The following GABBR2 variants were observed in gnomAD, a reference collection of about 807,000 sequenced individuals.
The protein encoded by GABBR2 is gamma-aminobutyric acid type B receptor subunit 2, also known as G-protein coupled receptor 51.
Under a neutral mutation model 105.6 loss-of-function variants are expected in GABBR2, and 23 were observed. The ratio of observed to expected loss-of-function variants is 0.22; its 90% CI spans 0.16 to 0.31. GABBR2 has a LOEUF of 0.31. Among genes scored for constraint, GABBR2 ranks in the 10% least tolerant of loss-of-function variants. The pLI is 1.00. For synonymous variants in GABBR2, 478 were observed against 499.7 expected, an observed-to-expected ratio of 0.96 and a Z score of 0.58; for missense variants, 734 against 1,245.5, an observed-to-expected ratio of 0.59 and a Z score of 6.18.
chr9:98,587,779 G>A (rs1451119248), intron 1 of GABBR2, among the ~76,000 whole-genome samples: 3 of 152,174 alleles, frequency 2.0e-5, no homozygotes, highest in Non-Finnish European at 4.4e-5. Flanking sequence ...TACCCTTGGA[G>A]AGACATTTTG....
chr9:98,576,781 T>G (rs1564119513), intron 2 of GABBR2, among the ~76,000 whole-genome samples: 1 of 152,228 alleles, frequency 6.6e-6, no homozygotes. Flanking sequence ...ACTTGCTTCT[T>G]GCCTGTCTTC....
intron 6 of GABBR2, among the ~76,000 whole-genome samples, chr9:98,464,927 G>A (rs1386569331): frequency 5.3e-5 from 8 of 151,846 alleles, no homozygotes; most frequent in East Asian, 3.9e-4. Context: ...CAGCATGCTC[G>A]TTAAGAGTCA....
In GABBR2 at chr9:98,306,032, T is replaced by A; in HGVS notation, c.2229+89A>T. The A allele has an allele frequency of 2.9e-5, 24 of 815,090 alleles. No homozygotes were observed. Among genetic ancestry groups the A allele is most frequent in the African/African-American group, 1.1e-4 (6 of 56,502 alleles). 50.5% of individuals were successfully genotyped at this position (815,090 alleles called of 1,614,324 possible). On this transcript the variant is annotated intron_variant, in intron 15 of 18. Transcript: ENST00000259455. This position sits in a 1 kb window ranked among gnomAD's most constrained non-coding sequence, Gnocchi z 5.4. ...CATCATAAAAAAAAAAAGGAATGGGTAAACCTTTTAGAGAATGGAGAAAAG... is the reference window on the plus strand; with the variant it reads ...CATCATAAAAAAAAAAAGGAATGGGAAAACCTTTTAGAGAATGGAGAAAAG...
intron 16 of GABBR2, among the ~76,000 whole-genome samples, chr9:98,301,937 GC>G (rs1358130497): frequency 2.0e-5 from 3 of 152,166 alleles, no homozygotes; most frequent in African/African-American, 7.2e-5. Context: ...AATTCTGTGA[GC>G]CCCCCAAAGG....
Position 98,578,020 on chromosome 9 carries a change from G to A in GABBR2, c.374C>T (p.Pro125Leu). Residue 125 changes from proline to leucine, a missense_variant, in exon 2 of 19, where the codon CCT (proline) becomes CTT (leucine). By Grantham distance (98) the Pro-to-Leu change is moderately conservative (BLOSUM62 -3). Coordinates refer to ENST00000259455, the MANE Select transcript of GABBR2 (RefSeq NM_005458.8). ...KAFYDAIKYGPNHLMVFGGVC... is the reference protein window; with the variant it reads ...KAFYDAIKYGLNHLMVFGGVC... ...GCCTCCAAACACCATCAAGTGGTTA[G>A]GCCCGTATTTTATTGCATCGTAGAA... 1 of 1,613,812 alleles carries A rather than the reference G, an allele frequency of 6.2e-7. No individual in the cohort carries two copies. The highest frequency in any genetic ancestry group is 8.5e-7 in the Non-Finnish European group (1 of 1,179,732).
chr9:98,633,292 C>T (rs1456320690), intron 1 of GABBR2, among the ~76,000 whole-genome samples: 1 of 152,080 alleles, frequency 6.6e-6, no homozygotes, highest in Non-Finnish European at 1.5e-5. Flanking sequence ...CATTTAAACC[C>T]AAAACTCTTA....
At chr9:98,385,414 C>T (rs1832054553) in intron 11 of GABBR2, among the ~76,000 whole-genome samples, 1 of 152,006 alleles carries the variant, frequency 6.6e-6, no homozygotes, top group Non-Finnish European at 1.5e-5. Flanking sequence ...ACCATGTTGC[C>T]CGGGCTGGAA....
chr9:98,571,749 T>C (rs1056164807), intron 2 of GABBR2, among the ~76,000 whole-genome samples: 3 of 152,152 alleles, frequency 2.0e-5, no homozygotes, highest in African/African-American at 7.2e-5. Context: ...TCAGGGAACC[T>C]TGGCCCACAG....
chr9:98,314,486 G>A (rs1004009891), intron 13 of GABBR2, among the ~76,000 whole-genome samples: 5 of 152,152 alleles, frequency 3.3e-5, no homozygotes, highest in South Asian at 4.2e-4. Flanking sequence ...TTAGATTCTC[G>A]GTGTGGAGAA....
intron 1 of GABBR2, among the ~76,000 whole-genome samples, chr9:98,592,269 T>G (rs1206644534): frequency 6.6e-6 from 1 of 152,182 alleles, no homozygotes; most frequent in Non-Finnish European, 1.5e-5. Flanking sequence ...CCACAGATGA[T>G]CTCTCAGATC....
At chr9:98,656,147 T>C (rs1370973049) in intron 1 of GABBR2, among the ~76,000 whole-genome samples, 1 of 152,174 alleles carries the variant, frequency 6.6e-6, no homozygotes, top group Non-Finnish European at 1.5e-5. Flanking sequence ...TAGGCCAGTG[T>C]AGTCACCAAA....
chr9:98,492,810 T>C (rs1244227397), intron 4 of GABBR2, among the ~76,000 whole-genome samples: 1 of 152,212 alleles, frequency 6.6e-6, no homozygotes, highest in African/African-American at 2.4e-5. Flanking sequence ...ATTCCCATCA[T>C]ATCATGTCAA....
intron 1 of GABBR2, among the ~76,000 whole-genome samples, chr9:98,686,025 C>T (rs1469614350): frequency 6.6e-6 from 1 of 152,130 alleles, no homozygotes; most frequent in Admixed American, 6.6e-5. Flanking sequence ...TGATCCTCTT[C>T]CCAACTAGGC....
chr9:98,575,321 G>A (rs1468591054), intron 2 of GABBR2, among the ~76,000 whole-genome samples: 6 of 152,192 alleles, frequency 3.9e-5, no homozygotes, highest in Non-Finnish European at 8.8e-5. Context: ...AGAATGGGAT[G>A]TTTTGGGTGG....
chr9:98,642,031 C>T (rs529307069), intron 1 of GABBR2, among the ~76,000 whole-genome samples: 2 of 152,340 alleles, frequency 1.3e-5, no homozygotes, highest in South Asian at 2.1e-4. Context: ...GGCTACTTCC[C>T]GCTTACGGCA....
chr9:98,683,840 C>G (rs1830582249), intron 1 of GABBR2, among the ~76,000 whole-genome samples: 1 of 151,648 alleles, frequency 6.6e-6, no homozygotes, highest in Non-Finnish European at 1.5e-5. Flanking sequence ...AAACCCGTCT[C>G]TACTAAAACT....
chr9:98,538,493 A>T (rs978486527), intron 3 of GABBR2: 1 of 409,886 alleles, frequency 2.4e-6, no homozygotes, highest in African/African-American at 2.2e-5. Context: ...GGGCCTAGAG[A>T]TCAGTACCTC....
At chr9:98,627,896 G>A (rs1325764379) in intron 1 of GABBR2, among the ~76,000 whole-genome samples, 3 of 152,200 alleles carry the variant, frequency 2.0e-5, no homozygotes, top group Non-Finnish European at 4.4e-5. Flanking sequence ...GCTCTTCAGG[G>A]CAGAGCCTGG....
At chr9:98,520,878 G>A (rs1489492655) in intron 3 of GABBR2, among the ~76,000 whole-genome samples, 1 of 152,170 alleles carries the variant, frequency 6.6e-6, no homozygotes, top group African/African-American at 2.4e-5. Context: ...TTCTCCATCT[G>A]ATCGAGAGGA....
Sources: allele counts gnomAD v4.1 joint callset (sites outside exome capture counted in the v4.1 genomes callset), GRCh38; gene constraint gnomAD v4.1.1; non-coding constraint Gnocchi (gnomAD v3.1); transcripts MANE v1.5; gene names NCBI Gene and HGNC (gene_info 2026-07-23, HGNC 2026-07-21).